Variants in FAT4 observed in about 807,000 individuals in gnomAD.
FAT4 encodes FAT atypical cadherin 4, also known as protocadherin Fat 4.
In FAT4, 84 loss-of-function variants were observed where a neutral mutation model predicts 303.9. The observed-to-expected ratio is 0.28, with a 90% confidence interval of 0.23 to 0.33. The LOEUF is 0.33. FAT4 is among the 10% of genes least tolerant of loss of function. The probability of loss-of-function intolerance (pLI) is 1.00; values close to 1 mark genes in which losing one functional copy is unlikely to be tolerated. For missense variants in FAT4, 6,005 were observed against 6,146.8 expected (o/e 0.98, Z 0.77); for synonymous variants, 2,307 against 2,298.8 (o/e 1.00, Z -0.10).
intron 2 of FAT4, among the ~76,000 whole-genome samples, chr4:125,340,602 G>A (rs1193285038): frequency 1.3e-5 from 2 of 152,030 alleles, no homozygotes; most frequent in African/African-American, 2.4e-5. Flanking sequence ...TAGCCAGGAT[G>A]GTCTCGATCT....
Position 125,408,805 on chromosome 4 carries a change from T to A in FAT4, c.5920+11T>A. 7.7e-7 allele frequency: 1 copy of A among 1,300,338 alleles called. No individual in the cohort carries two copies. The highest frequency in any genetic ancestry group is 1.0e-6 in the Non-Finnish European group (1 of 963,456). 80.6% of individuals were successfully genotyped at this position (1,300,338 alleles called of 1,614,324 possible). A position where few individuals can be genotyped will look rare whatever the true frequency, so the allele number is the denominator to read the frequency against. On this transcript the variant is annotated intron_variant, in intron 5 of 17. Coordinates refer to ENST00000394329, the MANE Select transcript of FAT4 (RefSeq NM_001291303.3). ...CTGATGCAGATGATGGTATGTATTTTATTTAATATAATTTTTAAAACATCT... is the reference window on the plus strand; with the variant it reads ...CTGATGCAGATGATGGTATGTATTTAATTTAATATAATTTTTAAAACATCT...
intron 2 of FAT4, among the ~76,000 whole-genome samples, chr4:125,339,058 G>A (rs1390404937): frequency 6.6e-6 from 1 of 152,002 alleles, no homozygotes; most frequent in Non-Finnish European, 1.5e-5. Flanking sequence ...CTGTCCTTAA[G>A]AGCTTCCTTT....
chr4:125,331,692 G>A (rs1248699005), intron 2 of FAT4, among the ~76,000 whole-genome samples: 1 of 152,020 alleles, frequency 6.6e-6, no homozygotes, highest in Non-Finnish European at 1.5e-5. Context: ...TATTGTTATC[G>A]TAAACCATGT....
chr4:125,416,420 TCA>T (rs750464485), intron 6 of FAT4, 26 bp from the exon 7 acceptor site: 1 of 1,560,168 alleles, frequency 6.4e-7, no homozygotes, highest in Non-Finnish European at 8.7e-7. Flanking sequence ...TTTGTTTTAC[TCA>T]CATCTTGGTA....
chr4:125,388,195 T>C (rs1047870205), intron 2 of FAT4, among the ~76,000 whole-genome samples: 9 of 152,158 alleles, frequency 5.9e-5, no homozygotes, highest in African/African-American at 2.2e-4. Flanking sequence ...AATCCAAATA[T>C]TATGAAAGAG....
At chr4:125,446,258 A>G (rs752389084) in intron 8 of FAT4, 35 bp from the exon 9 acceptor site, 5 of 1,584,264 alleles carry the variant, frequency 3.2e-6, no homozygotes, top group Non-Finnish European at 4.3e-6. Flanking sequence ...TATTAAAACT[A>G]TATGACATAT....
At chr4:125,462,497 A>G (rs1726516607) in intron 10 of FAT4, among the ~76,000 whole-genome samples, 1 of 152,024 alleles carries the variant, frequency 6.6e-6, no homozygotes, top group African/African-American at 2.4e-5. Context: ...TGAAAATTAG[A>G]TCCTAACGAA....
chr4:125,432,102 C>T (rs1725302489), intron 7 of FAT4, among the ~76,000 whole-genome samples: 1 of 152,190 alleles, frequency 6.6e-6, no homozygotes, highest in African/African-American at 2.4e-5. Flanking sequence ...GAAGGTCCCT[C>T]CCTGTTGGGC....
intron 5 of FAT4, 21 bp downstream of exon 5, chr4:125,408,815 A>C (rs769319344): frequency 8.1e-7 from 1 of 1,232,870 alleles, no homozygotes; most frequent in Non-Finnish European, 1.1e-6. Context: ...TATTTAATAT[A>C]ATTTTTAAAA....
chr4:125,319,694 G>T lies in FAT4; in HGVS notation c.3283G>T (p.Asp1095Tyr). 6.2e-7 allele frequency: 1 copy of T among 1,614,082 alleles called. No individual in the cohort carries two copies. The highest frequency in any genetic ancestry group is 8.5e-7 in the Non-Finnish European group (1 of 1,179,928). ...NVTVILEDVN[D>Y]NRPLFNSTNY... ...TACTGTAATTTTAGAAGATGTAAAT[G>T]ATAACAGACCTCTTTTTAACAGTAC... The change falls in exon 2 of 18, where the codon GAT becomes TAT. Residue 1095 changes from aspartate (D) to tyrosine (Y), a missense_variant. Coordinates refer to ENST00000394329, the MANE Select transcript of FAT4 (RefSeq NM_001291303.3).
intron 2 of FAT4, among the ~76,000 whole-genome samples, chr4:125,388,590 T>A (rs1733855241): frequency 6.6e-6 from 1 of 152,186 alleles, no homozygotes; most frequent in African/African-American, 2.4e-5. Flanking sequence ...CCACACATAT[T>A]TTAACTTGAT....
Position 125,449,457 on chromosome 4 carries a change from C to A in FAT4, c.8447C>A (p.Ala2816Glu), listed in dbSNP as rs201838109. 1.2e-6 allele frequency: 2 copies of A among 1,613,732 alleles called. No individual in the cohort carries two copies. The highest frequency in any genetic ancestry group is 4.5e-5 in the East Asian group (2 of 44,848). Residue 2816 changes from alanine to glutamate, a missense_variant, in exon 10 of 18, where the codon GCA becomes GAA. Ala to Glu is a moderately radical substitution (Grantham distance 107, BLOSUM62 -1). Transcript: ENST00000394329. ...NAISRYSIMDASLPFTINPST... is the reference protein window; with the variant it reads ...NAISRYSIMDESLPFTINPST... Reference sequence around the variant, plus strand: ...ATTAGTAGATATTCTATAATGGATGCAAGTCTTCCATTTACAATTAATCCC... The same window carrying A: ...ATTAGTAGATATTCTATAATGGATGAAAGTCTTCCATTTACAATTAATCCC...
chr4:125,416,458 G>A lies in FAT4; in HGVS notation c.6854G>A (p.Arg2285Lys), dbSNP rs766136429. Residue 2285 changes from arginine (R) to lysine (K), a missense_variant, in exon 7 of 18, where the codon AGA becomes AAA. Arg to Lys is a conservative substitution (Grantham distance 26). Coordinates refer to ENST00000394329, the MANE Select transcript of FAT4 (RefSeq NM_001291303.3). ...LPRTILQVVA[R>K]DDDRGSNSKL... ...TGTACTGTTCTACAGGTGGTGGCAA[G>A]AGATGATGATCGAGGATCTAACAGC... is the stretch of plus-strand genomic sequence containing the variant. The A allele has an allele frequency of 5.6e-6, 9 of 1,613,328 alleles. No homozygotes were observed. In the East Asian group the frequency reaches 1.8e-4, roughly 32 times the overall value.
chr4:125,340,594 G>C (rs1172580370), intron 2 of FAT4, among the ~76,000 whole-genome samples: 1 of 152,158 alleles, frequency 6.6e-6, no homozygotes, highest in Admixed American at 6.5e-5. Flanking sequence ...CACCGTGTTA[G>C]CCAGGATGGT....
chr4:125,409,545 T>G (rs1379039736), intron 5 of FAT4, among the ~76,000 whole-genome samples: 10 of 152,260 alleles, frequency 6.6e-5, no homozygotes, highest in African/African-American at 1.9e-4. Flanking sequence ...CGTGAGCCAC[T>G]GCACCCAGCC....
In FAT4 at chr4:125,416,628, T is replaced by C. The variant is rs1395326361; in HGVS notation, c.7018+6T>C. 1 of 1,613,172 alleles carries C rather than the reference T, an allele frequency of 6.2e-7. No individual in the cohort carries two copies. Among genetic ancestry groups the C allele is most frequent in the South Asian group, 1.1e-5 (1 of 91,046 alleles). ...GATTACAGCTACAGATTCAGGTAAG[T>C]CCATTACACCCTTGTTCATTTGTAG... On this transcript the variant is annotated splice_donor_region_variant and intron_variant, in intron 7 of 17. Coordinates refer to ENST00000394329, the MANE Select transcript of FAT4 (RefSeq NM_001291303.3).
intron 2 of FAT4, among the ~76,000 whole-genome samples, chr4:125,334,437 C>G (rs1731498512): frequency 6.6e-6 from 1 of 152,064 alleles, no homozygotes; most frequent in African/African-American, 2.4e-5. Context: ...TTTTTCATGA[C>G]ACTGCTTCTA....
chr4:125,358,327 G>C (rs1267247745), intron 2 of FAT4, among the ~76,000 whole-genome samples: 4 of 151,972 alleles, frequency 2.6e-5, no homozygotes, highest in Non-Finnish European at 4.4e-5. Flanking sequence ...GATGATTCAA[G>C]TGCATTACAT....
chr4:125,351,520 T>C (rs1308945913), intron 2 of FAT4, among the ~76,000 whole-genome samples: 2 of 151,894 alleles, frequency 1.3e-5, no homozygotes, highest in Admixed American at 6.6e-5. Context: ...TATCAGCCTG[T>C]CTGCAAAACT....
Sources: allele counts gnomAD v4.1 joint callset (sites outside exome capture counted in the v4.1 genomes callset), GRCh38; gene constraint gnomAD v4.1.1; transcripts MANE v1.5; gene names NCBI Gene and HGNC (gene_info 2026-07-23, HGNC 2026-07-21).